AHCY: variants seen among roughly 807,000 people sequenced by gnomAD.
AHCY encodes S-adenosyl-L-homocysteine hydrolase.
In AHCY, 24 loss-of-function variants were observed where a neutral mutation model predicts 45.4. The observed-to-expected ratio is 0.53, with a 90% CI of 0.38 to 0.74. The LOEUF (loss-of-function observed/expected upper bound fraction) is 0.74. AHCY is among the 30% of genes least tolerant of loss of function. AHCY has a pLI of 0.00. For synonymous variants in AHCY, 245 were observed against 235.1 expected, an observed-to-expected ratio of 1.04 and a Z score of -0.39; for missense variants, 449 against 594.1, an observed-to-expected ratio of 0.76 and a Z score of 2.54.
chr20:34,292,768 T>C (rs1225220396), intron 3 of AHCY, among the ~76,000 whole-genome samples: 1 of 152,182 alleles, frequency 6.6e-6, no homozygotes, highest in Non-Finnish European at 1.5e-5. Context: ...CCTCTGTAAA[T>C]AGGGCTCACA....
At chr20:34,260,283 C>T in the AHCY span, 2 of 1,427,516 alleles carry the variant, frequency 1.4e-6, no homozygotes. Flanking sequence ...AACACCAGCC[C>T]AAAGAAGCAC....
At chr20:34,286,394 A>G (rs1311387620) in intron 8 of AHCY, 2 of 152,728 alleles carry the variant, frequency 1.3e-5, no homozygotes, top group Non-Finnish European at 2.9e-5. Flanking sequence ...AGAGCCACAC[A>G]CTAAGAGGAG....
At chr20:34,239,320 G>A in the AHCY span, among the ~76,000 whole-genome samples, 3 of 151,708 alleles carry the variant, frequency 2.0e-5, no homozygotes, top group Admixed American at 6.6e-5. Context: ...AGGTTCAAGC[G>A]ATTCTCCTGC....
At chr20:34,256,449 C>T in the AHCY span, among the ~76,000 whole-genome samples, 4 of 152,172 alleles carry the variant, frequency 2.6e-5, no homozygotes, top group African/African-American at 7.2e-5. Context: ...TAGGGCTGGA[C>T]CCGATAACAC....
At chr20:34,274,152 G>C in the AHCY span, among the ~76,000 whole-genome samples, 1 of 152,302 alleles carries the variant, frequency 6.6e-6, no homozygotes, top group African/African-American at 2.4e-5. Flanking sequence ...TTGGGCTGCT[G>C]CTCACTGCTC....
rs2036329381 is a variant in AHCY, at chr20:34,290,277, G to A, written c.972+55C>T. 32 of 1,539,270 alleles carry A rather than the reference G, an allele frequency of 2.1e-5. No individual in the cohort carries two copies. The highest frequency in any genetic ancestry group is 2.9e-5 in the Non-Finnish European group (32 of 1,115,764). On this transcript the variant is annotated intron_variant, in intron 8 of 9. Coordinates refer to ENST00000217426, the MANE Select transcript of AHCY (RefSeq NM_000687.4). The surrounding 1 kb of genome is among the most constrained non-coding windows in gnomAD (Gnocchi z 4.5). ...CCTCAGCTCTCCTCCCTGGCAGCCAGCACTCCTCTGCACTCCCATCTGCCC... is the reference window on the plus strand; with the variant it reads ...CCTCAGCTCTCCTCCCTGGCAGCCAACACTCCTCTGCACTCCCATCTGCCC...
chr20:34,278,766 T>G (rs2035934194), downstream of AHCY, among the ~76,000 whole-genome samples: 1 of 152,126 alleles, frequency 6.6e-6, no homozygotes, highest in South Asian at 2.1e-4. Context: ...CCTTTTTACA[T>G]ATGATGTAAA....
At chr20:34,291,184 C>A (rs1029947241) in intron 5 of AHCY, among the ~76,000 whole-genome samples, 11 of 152,216 alleles carry the variant, frequency 7.2e-5, no homozygotes, top group African/African-American at 2.4e-4. Context: ...GGAGAGATTG[C>A]CCGGTCAAAG....
At chr20:34,263,291 GC>G in the AHCY span, among the ~76,000 whole-genome samples, 1 of 152,202 alleles carries the variant, frequency 6.6e-6, no homozygotes, top group African/African-American at 2.4e-5. Context: ...TAGGCCGGAT[GC>G]GGTGGCTCAC....
the AHCY span, among the ~76,000 whole-genome samples, chr20:34,248,111 C>G: frequency 1.1e-4 from 17 of 152,112 alleles, no homozygotes; most frequent in African/African-American, 3.6e-4. Flanking sequence ...GAGGCTGAGG[C>G]AGAAGAATCG....
the AHCY span, among the ~76,000 whole-genome samples, chr20:34,275,138 T>C: frequency 9.5e-5 from 14 of 147,674 alleles, no homozygotes; most frequent in African/African-American, 2.7e-4. Flanking sequence ...TTTCTTTTTT[T>C]TTTTTTTTTT....
At chr20:34,271,442 G>A in the AHCY span, among the ~76,000 whole-genome samples, 1 of 152,120 alleles carries the variant, frequency 6.6e-6, no homozygotes, top group Non-Finnish European at 1.5e-5. Flanking sequence ...CACATAGGGT[G>A]AACTTGACCT....
chr20:34,241,929 A>G, the AHCY span, among the ~76,000 whole-genome samples: 97 of 152,334 alleles, frequency 6.4e-4, 2 homozygotes, highest in South Asian at 9.7e-3. Flanking sequence ...TTTCATATTT[A>G]TTAGAGATGA....
At chr20:34,256,439 T>C in the AHCY span, among the ~76,000 whole-genome samples, 10 of 152,202 alleles carry the variant, frequency 6.6e-5, no homozygotes, top group African/African-American at 2.2e-4. Flanking sequence ...ACAGACCCAG[T>C]AGGGCTGGAC....
the AHCY span, among the ~76,000 whole-genome samples, chr20:34,244,663 G>T: frequency 1.3e-5 from 2 of 151,998 alleles, no homozygotes; most frequent in Non-Finnish European, 1.5e-5. Flanking sequence ...TAAGTTTTAC[G>T]CAAGGCTGGT....
intron 8 of AHCY, chr20:34,286,091 C>A: frequency 4.8e-6 from 1 of 206,842 alleles, no homozygotes; most frequent in South Asian, 7.7e-5. Context: ...GGCGACGGAG[C>A]GAGACTCTGT....
chr20:34,242,759 C>T, the AHCY span, among the ~76,000 whole-genome samples: 2 of 152,248 alleles, frequency 1.3e-5, no homozygotes, highest in African/African-American at 4.8e-5. Context: ...TTTCATCTCA[C>T]ATCAAAGCCT....
At chr20:34,295,209 G>A (rs908693094) in intron 2 of AHCY, 186 bp downstream of exon 2, 2 of 762,816 alleles carry the variant, frequency 2.6e-6, no homozygotes, top group Admixed American at 2.1e-5. Context: ...GAGAAAATCT[G>A]CAGAACACTC....
chr20:34,292,570 C>T (rs973214368), intron 3 of AHCY, 63 bp from the exon 4 acceptor site: 1 of 1,611,232 alleles, frequency 6.2e-7, no homozygotes, highest in Non-Finnish European at 8.5e-7. Flanking sequence ...CAGGGAACAA[C>T]TCTGGCAGAG....
Sources: gnomAD v4.1 joint callset for allele counts (sites outside exome capture counted in the v4.1 genomes callset) on GRCh38, gnomAD v4.1.1 for gene constraint, Gnocchi (gnomAD v3.1) non-coding constraint, MANE v1.5 for transcripts, NCBI Gene and HGNC (gene_info 2026-07-23, HGNC 2026-07-21) for gene names.